Variants in CTTNBP2 observed in about 807,000 individuals in gnomAD.
CTTNBP2 encodes the protein cortactin-binding protein 2.
In CTTNBP2, 108 loss-of-function variants were observed where a neutral mutation model predicts 156.9. The observed-to-expected ratio is 0.69, with a 90% CI of 0.59 to 0.81. The LOEUF is 0.81. CTTNBP2 is among the 30% of genes least tolerant of loss of function. The pLI is 0.00. For synonymous variants in CTTNBP2, 767 were observed against 751.8 expected, an observed-to-expected ratio of 1.02 and a Z score of -0.33; for missense variants, 1,924 against 2,035.4, an observed-to-expected ratio of 0.95 and a Z score of 1.05.
In CTTNBP2 at chr7:117,792,482, C is replaced by T. The variant is rs567150939; in HGVS notation, c.714G>A (p.Arg238=). 3.7e-6 allele frequency: 6 copies of T among 1,614,202 alleles called. No homozygotes were observed. Among genetic ancestry groups the T allele is most frequent in the African/African-American group, 2.7e-5 (2 of 75,050 alleles). ...GGTTCAGCTTGGCACGAAGCTGTTCCCGCTCAGTGTCAAACTCAGAGAGTT... is the reference window on the plus strand; with the variant it reads ...GGTTCAGCTTGGCACGAAGCTGTTCTCGCTCAGTGTCAAACTCAGAGAGTT... ...EKQLSEFDTE[R]EQLRAKLNRE... The change falls in exon 4 of 23, where the codon CGG becomes CGA. Residue 238 remains arginine (R), a synonymous_variant. Coordinates refer to ENST00000160373, the MANE Select transcript of CTTNBP2 (RefSeq NM_033427.3). This position sits in a 1 kb window ranked among gnomAD's most constrained non-coding sequence, Gnocchi z 4.2.
At chr7:117,718,677 C>CTGTT (rs1455075724) in intron 21 of CTTNBP2, among the ~76,000 whole-genome samples, 1 of 152,162 alleles carries the variant, frequency 6.6e-6, no homozygotes, top group African/African-American at 2.4e-5. Context: ...TTTCAGGTCA[C>CTGTT]TGTTTTCCAT....
At chr7:117,833,796 A>G (rs1012084007) in intron 2 of CTTNBP2, among the ~76,000 whole-genome samples, 5 of 152,232 alleles carry the variant, frequency 3.3e-5, no homozygotes, top group South Asian at 2.1e-4. Context: ...CAAGCACTCA[A>G]TGAATTCTTC....
At position 117,792,644 on chromosome 7, in the gene CTTNBP2, T is replaced by C; in HGVS notation, c.552A>G (p.Lys184=). 1 of 1,614,196 alleles carries C rather than the reference T, an allele frequency of 6.2e-7. No individual in the cohort carries two copies. The highest frequency in any genetic ancestry group is 1.1e-5 in the South Asian group (1 of 91,088). Residue 184 remains lysine, a synonymous_variant, in exon 4 of 23, where the codon AAA becomes AAG. Transcript: ENST00000160373. This position sits in a 1 kb window ranked among gnomAD's most constrained non-coding sequence, Gnocchi z 4.2. ...CGAGCTTCTGGGCCTCCTCTATGAC[T>C]TTGCCTGAGAGCTGCTTGCACTCTT... The part of the protein sequence containing the change: ...LVKECKQLSG[K]VIEEAQKLED...
At chr7:117,809,105 T>C (rs192095298) in intron 3 of CTTNBP2, among the ~76,000 whole-genome samples, 1 of 151,968 alleles carries the variant, frequency 6.6e-6, no homozygotes, top group East Asian at 1.9e-4. Context: ...TCAGGACCCA[T>C]AGGACAGAAA....
chr7:117,759,226 A>G (rs1378165600), intron 10 of CTTNBP2, among the ~76,000 whole-genome samples: 1 of 152,010 alleles, frequency 6.6e-6, no homozygotes, highest in African/African-American at 2.4e-5. Context: ...TTCCCACCTT[A>G]GCCTCCGAGT....
chr7:117,767,293 T>C (rs1174380155), intron 8 of CTTNBP2, 117 bp from the exon 9 acceptor site: 1 of 684,406 alleles, frequency 1.5e-6, no homozygotes, highest in Non-Finnish European at 2.6e-6. Context: ...GCTATAAATC[T>C]TATTTCAATT....
At chr7:117,747,697 C>T (rs1260128798) in intron 12 of CTTNBP2, among the ~76,000 whole-genome samples, 4 of 152,162 alleles carry the variant, frequency 2.6e-5, no homozygotes, top group Non-Finnish European at 4.4e-5. Flanking sequence ...CGCTTGAACC[C>T]GGGAGGTGGA....
chr7:117,751,123 G>C (rs1315884217), intron 12 of CTTNBP2, among the ~76,000 whole-genome samples: 1 of 152,170 alleles, frequency 6.6e-6, no homozygotes, highest in Admixed American at 6.5e-5. Flanking sequence ...GGAAACAAGT[G>C]ACCTCAACAA....
At chr7:117,868,521 T>C (rs759115032) in intron 1 of CTTNBP2, among the ~76,000 whole-genome samples, 2 of 152,196 alleles carry the variant, frequency 1.3e-5, no homozygotes, top group African/African-American at 2.4e-5. Context: ...AGGATTTCTA[T>C]ATGGAAGGCA....
At chr7:117,825,369 G>C (rs1054015891) in intron 2 of CTTNBP2, among the ~76,000 whole-genome samples, 2 of 152,118 alleles carry the variant, frequency 1.3e-5, no homozygotes, top group Non-Finnish European at 2.9e-5. Flanking sequence ...CTGCTTTCTG[G>C]TACGTCTCCT....
rs148572210 is a variant in CTTNBP2, at chr7:117,830,129, T to C, written c.190-19140A>G. Among the ~76,000 whole-genome samples, 251 of 152,348 alleles carry C rather than the reference T, an allele frequency of 1.6e-3. 1 individual carries two copies. The highest frequency in any genetic ancestry group is 5.9e-3 in the African/African-American group (246 of 41,580). ...CTTGATAGCCCATTTCCAAAATTAC[T>C]ACTTTGGAAGCTAATTTAGTATTGG... is the stretch of plus-strand genomic sequence containing the variant. On this transcript the variant is annotated intron_variant, in intron 2 of 22. Coordinates refer to ENST00000160373, the MANE Select transcript of CTTNBP2 (RefSeq NM_033427.3).
intron 14 of CTTNBP2, 141 bp downstream of exon 14, chr7:117,745,690 G>A (rs911163776): frequency 4.9e-6 from 3 of 618,428 alleles, no homozygotes; most frequent in South Asian, 2.0e-5. Context: ...GATAATTTTT[G>A]CAAGTGTTTA....
At chr7:117,734,863 A>C (rs1253302321) in intron 16 of CTTNBP2, 50 bp downstream of exon 16, 4 of 1,458,690 alleles carry the variant, frequency 2.7e-6, no homozygotes, top group African/African-American at 1.4e-5. Flanking sequence ...ATCTCCTGAC[A>C]ACAAAAACCC....
At chr7:117,810,108 T>C (rs900738848) in intron 3 of CTTNBP2, among the ~76,000 whole-genome samples, 1 of 151,588 alleles carries the variant, frequency 6.6e-6, no homozygotes, top group Non-Finnish European at 1.5e-5. Context: ...AATATGTGTG[T>C]GATGGTGGGG....
At chr7:117,839,635 A>G (rs1275787411) in intron 2 of CTTNBP2, among the ~76,000 whole-genome samples, 1 of 152,190 alleles carries the variant, frequency 6.6e-6, no homozygotes, top group Non-Finnish European at 1.5e-5. Context: ...ACTTCTGTCA[A>G]AGGAAGAAGC....
chr7:117,711,392 AC>A lies in CTTNBP2; in HGVS notation c.*144del. On this transcript the variant is annotated 3_prime_UTR_variant, in exon 23 of 23. Transcript: ENST00000160373. ...AATGTTGGTTATAAATACATTCTTT[AC>A]AAAAAAAAATTGAATAGTGGTCCCG... is the stretch of plus-strand genomic sequence containing the variant. 1 of 872,428 alleles carries A rather than the reference AC, an allele frequency of 1.1e-6. No individual in the cohort carries two copies. The highest frequency in any genetic ancestry group is 2.6e-5 in the South Asian group (1 of 39,108). 54.0% of individuals were successfully genotyped at this position (872,428 alleles called of 1,614,324 possible).
intron 2 of CTTNBP2, among the ~76,000 whole-genome samples, chr7:117,823,825 G>C (rs1280397725): frequency 2.0e-5 from 3 of 152,076 alleles, no homozygotes; most frequent in African/African-American, 7.2e-5. Context: ...AGAGTAGCTG[G>C]GACCACAGGC....
At chr7:117,787,456 TA>T (rs1747137504) in intron 4 of CTTNBP2, among the ~76,000 whole-genome samples, 1 of 152,214 alleles carries the variant, frequency 6.6e-6, no homozygotes, top group South Asian at 2.1e-4. Flanking sequence ...ATTTAGCCTT[TA>T]AGCCAATCAT....
Position 117,791,760 on chromosome 7 carries a change from C to T in CTTNBP2, c.1436G>A (p.Arg479His), listed in dbSNP as rs138906925. Residue 479 changes from arginine to histidine, a missense_variant, in exon 4 of 23, where the codon CGT (arginine) becomes CAT (histidine). By Grantham distance (29) the Arg-to-His change is conservative. Coordinates refer to ENST00000160373, the MANE Select transcript of CTTNBP2 (RefSeq NM_033427.3). ...PPSRDVSPTSRDNLVAKQLAR... is the reference protein window; with the variant it reads ...PPSRDVSPTSHDNLVAKQLAR... ...TAGTTGTTTGGCCACTAGGTTGTCA[C>T]GACTTGTAGGCGAGACATCTCTTGA... The T allele has an allele frequency of 5.8e-5, 94 of 1,614,078 alleles. 1 individual carries two copies. The African/African-American group carries it at 6.1e-4, about 11-fold the overall frequency.
Sources: allele counts gnomAD v4.1 joint callset (sites outside exome capture counted in the v4.1 genomes callset), GRCh38; gene constraint gnomAD v4.1.1; non-coding constraint Gnocchi (gnomAD v3.1); transcripts MANE v1.5; gene names NCBI Gene and HGNC (gene_info 2026-07-23, HGNC 2026-07-21).